TBC1D7: variants seen among roughly 807,000 people sequenced by gnomAD.
TBC1D7 encodes TBC domain family 7.
A neutral mutation model predicts 35.3 loss-of-function variants in TBC1D7; 33 were observed. The ratio of observed to expected loss-of-function variants is 0.93; its 90% CI spans 0.71 to 1.25. The LOEUF (loss-of-function observed/expected upper bound fraction) is 1.25. Ranked by LOEUF, TBC1D7 falls within the 50% of genes most tolerant of loss-of-function variation. TBC1D7 has a pLI of 0.00. For synonymous variants in TBC1D7, 135 were observed against 129.5 expected (o/e 1.04, Z -0.29); for missense variants, 362 against 365.3 (o/e 0.99, Z 0.07).
intron 1 of TBC1D7, chr6:13,327,986 A>T (rs1380099074): frequency 2.0e-5 from 3 of 152,226 alleles, no homozygotes; most frequent in African/African-American, 7.2e-5. Context: ...TCGTTTAGAA[A>T]ATGAAATGCT....
Position 13,321,101 on chromosome 6 carries a change from G to A in TBC1D7, c.194-6C>T, listed in dbSNP as rs1305565963. 1.2e-6 allele frequency: 2 copies of A among 1,606,168 alleles called. No homozygotes were observed. The highest frequency in any genetic ancestry group is 1.7e-5 in the Admixed American group (1 of 59,088). On this transcript the variant is annotated splice_polypyrimidine_tract_variant and splice_region_variant and intron_variant, in intron 3 of 7. Coordinates refer to ENST00000379300, the MANE Select transcript of TBC1D7 (RefSeq NM_016495.6). ...GTGGTGTGGAGGCAAGATTCCTAGA[G>A]AGAACAGGAAAAACGAAAAAAGGAC...
At chr6:13,324,273 G>A (rs536500057) in intron 3 of TBC1D7, among the ~76,000 whole-genome samples, 4 of 151,960 alleles carry the variant, frequency 2.6e-5, no homozygotes, top group African/African-American at 9.7e-5. Flanking sequence ...GACTACAGGC[G>A]CATGCCACCA....
chr6:13,315,053 T>C (rs560666466), intron 5 of TBC1D7, among the ~76,000 whole-genome samples: 2 of 152,242 alleles, frequency 1.3e-5, no homozygotes, highest in African/African-American at 4.8e-5. Context: ...CCTGTTTTAG[T>C]AGGAGATCAC....
intron 5 of TBC1D7, among the ~76,000 whole-genome samples, chr6:13,314,856 G>T (rs1026349680): frequency 1.3e-5 from 2 of 152,176 alleles, no homozygotes; most frequent in Admixed American, 1.3e-4. Flanking sequence ...AAGAAAAAAA[G>T]GTTTATTTTT....
intron 5 of TBC1D7, among the ~76,000 whole-genome samples, chr6:13,316,354 GCAA>G (rs1463984659): frequency 6.6e-6 from 1 of 152,196 alleles, no homozygotes; most frequent in Non-Finnish European, 1.5e-5. Context: ...TTGCTTTTGT[GCAA>G]CAACAGCAGA....
At chr6:13,321,232 T>C (rs1297155849) in intron 3 of TBC1D7, 137 bp from the exon 4 acceptor site, 1 of 676,452 alleles carries the variant, frequency 1.5e-6, no homozygotes, top group Non-Finnish European at 2.5e-6. Context: ...AAGTACCATG[T>C]AGAATCTCTT....
rs748520087 is a variant in TBC1D7 at position 13,305,128 on chromosome 6, G to A, written c.855C>T (p.His285=). 8.1e-6 allele frequency: 13 copies of A among 1,613,938 alleles called. No homozygotes were observed. The highest frequency in any genetic ancestry group is 1.1e-5 in the Non-Finnish European group (13 of 1,179,906). ...VSKAIDLWHK[H]CGTPVHSS is the part of the protein sequence containing the mutation. ...AGCTTGAATGGACCGGGGTCCCACAGTGTTTGTGCCACAAGTCAATGGCCT... is the reference window on the plus strand; with the variant it reads ...AGCTTGAATGGACCGGGGTCCCACAATGTTTGTGCCACAAGTCAATGGCCT... Residue 285 remains histidine (H), a synonymous_variant, in exon 8 of 8, where the codon CAC becomes CAT. Coordinates refer to ENST00000379300, the MANE Select transcript of TBC1D7 (RefSeq NM_016495.6).
chr6:13,325,077 A>C lies in TBC1D7; in HGVS notation c.193+17T>G. 6.4e-7 allele frequency: 1 copy of C among 1,572,642 alleles called. No individual in the cohort carries two copies. The highest frequency in any genetic ancestry group is 8.7e-7 in the Non-Finnish European group (1 of 1,153,208). On this transcript the variant is annotated intron_variant, in intron 3 of 7. Transcript: ENST00000379300. ...AATATTTTTTAAGATAAATCTTCCA[A>C]CTCCTGGGTCTCATACCTAGAAGCA...
intron 5 of TBC1D7, among the ~76,000 whole-genome samples, chr6:13,312,460 G>T (rs1251720303): frequency 6.6e-6 from 1 of 152,078 alleles, no homozygotes; most frequent in South Asian, 2.1e-4. Context: ...GCCGAGTGGG[G>T]GCAGATCACC....
chr6:13,307,116 C>T, intron 6 of TBC1D7: 1 of 161,964 alleles, frequency 6.2e-6, no homozygotes, highest in Non-Finnish European at 1.4e-5. Flanking sequence ...CTGTGTATTG[C>T]ACTGTTCAGT....
At chr6:13,316,805 A>G (rs1189885781) in intron 4 of TBC1D7, 97 bp from the exon 5 acceptor site, 26 of 1,420,002 alleles carry the variant, frequency 1.8e-5, no homozygotes, top group Non-Finnish European at 1.4e-5. Flanking sequence ...TAAATTTTGA[A>G]AAGGCTACAT....
chr6:13,315,301 T>C (rs533026211), intron 5 of TBC1D7, among the ~76,000 whole-genome samples: 94 of 152,330 alleles, frequency 6.2e-4, no homozygotes, highest in African/African-American at 2.1e-3. Context: ...AATAAAGACC[T>C]TGTGATGATC....
chr6:13,318,211 A>G (rs1405857765), intron 4 of TBC1D7: 1 of 152,252 alleles, frequency 6.6e-6, no homozygotes, highest in Non-Finnish European at 1.5e-5. Flanking sequence ...TGTAAGAAAT[A>G]AATTCCTTTT....
chr6:13,314,795 CCA>C (rs923191417), intron 5 of TBC1D7, among the ~76,000 whole-genome samples: 14 of 152,102 alleles, frequency 9.2e-5, no homozygotes, highest in African/African-American at 3.4e-4. Context: ...GCACCCTGTA[CCA>C]CAGTTACCAC....
Position 13,306,543 on chromosome 6 carries a change from G to A in TBC1D7, c.666-16C>T, listed in dbSNP as rs944427014. The A allele has an allele frequency of 1.3e-6, 2 of 1,560,062 alleles. No individual in the cohort carries two copies. The highest frequency in any genetic ancestry group is 4.2e-5 in the Admixed American group (2 of 47,886). On this transcript the variant is annotated splice_polypyrimidine_tract_variant and intron_variant, in intron 6 of 7. Coordinates refer to ENST00000379300, the MANE Select transcript of TBC1D7 (RefSeq NM_016495.6). Reference sequence around the variant, plus strand: ...ATCCCAAACCCTACAAAAATAAGGAGATATAATCAAATTATATGAGTTTCA... The same window carrying A: ...ATCCCAAACCCTACAAAAATAAGGAAATATAATCAAATTATATGAGTTTCA...
At chr6:13,311,591 G>A (rs2439542) in intron 5 of TBC1D7, among the ~76,000 whole-genome samples, 46,839 of 152,074 alleles carry the variant, frequency 0.31, 7,494 homozygotes, top group South Asian at 0.46. Flanking sequence ...AGGAAGTTTA[G>A]GTTTTGTATA....
At chr6:13,312,789 CAAA>C (rs34194566) in intron 5 of TBC1D7, among the ~76,000 whole-genome samples, 1 of 122,206 alleles carries the variant, frequency 8.2e-6, no homozygotes. Flanking sequence ...CACAAAAAAG[CAAA>C]AAAAAAAAAA....
intron 7 of TBC1D7, 113 bp from the exon 8 acceptor site, chr6:13,305,300 G>T: frequency 1.0e-6 from 1 of 984,824 alleles, no homozygotes; most frequent in Non-Finnish European, 1.6e-6. Context: ...CTGTTTTTCA[G>T]AAAGTGACAG....
At chr6:13,313,792 T>A (rs1783400713) in intron 5 of TBC1D7, among the ~76,000 whole-genome samples, 1 of 151,898 alleles carries the variant, frequency 6.6e-6, no homozygotes, top group Non-Finnish European at 1.5e-5. Context: ...CTTGTCTAGG[T>A]GGAGGAAAGG....
Sources: gnomAD v4.1 joint callset for allele counts (sites outside exome capture counted in the v4.1 genomes callset) on GRCh38, gnomAD v4.1.1 for gene constraint, MANE v1.5 for transcripts, NCBI Gene and HGNC (gene_info 2026-07-23, HGNC 2026-07-21) for gene names.